Variants in R3HDM2 observed in about 807,000 individuals in gnomAD.
R3HDM2 encodes R3H domain-containing protein 2.
In R3HDM2, 38 loss-of-function variants were observed where a neutral mutation model predicts 124.5. That is an observed-to-expected ratio of 0.31 (90% CI 0.24 to 0.40). R3HDM2 has a LOEUF of 0.40. Among genes scored for constraint, R3HDM2 ranks in the 10% least tolerant of loss-of-function variants. R3HDM2 has a pLI of 1.00. For synonymous variants in R3HDM2, 391 were observed against 448.0 expected, an observed-to-expected ratio of 0.87 and a Z score of 1.61; for missense variants, 869 against 1,236.9, an observed-to-expected ratio of 0.70 and a Z score of 4.46.
rs1340190532 is a variant in R3HDM2 at position 57,285,452 on chromosome 12, T to A, written c.939-1396A>T. Among the ~76,000 whole-genome samples the A allele has an allele frequency of 4.0e-5, 6 of 151,792 alleles. No homozygotes were observed. The South Asian group carries it at 6.3e-4, about 16-fold the overall frequency. On this transcript the variant is annotated intron_variant, in intron 12 of 23. Coordinates refer to ENST00000402412, the MANE Select transcript of R3HDM2 (RefSeq NM_001394031.1). ...AAGACTGAGAGAGAGAGAGAGTGTGTGTGTGTGTGTGTGTGTGTGTGTAAG... is the reference window on the plus strand; with the variant it reads ...AAGACTGAGAGAGAGAGAGAGTGTGAGTGTGTGTGTGTGTGTGTGTGTAAG...
chr12:57,339,733 G>GT (rs1477505136), intron 2 of R3HDM2, among the ~76,000 whole-genome samples: 2 of 151,804 alleles, frequency 1.3e-5, no homozygotes, highest in African/African-American at 4.8e-5. Context: ...AGGAGAAGCT[G>GT]TTAACAGTGA....
intron 2 of R3HDM2, among the ~76,000 whole-genome samples, chr12:57,379,794 T>C (rs1397952746): frequency 6.6e-6 from 1 of 152,022 alleles, no homozygotes; most frequent in Non-Finnish European, 1.5e-5. Context: ...ATATACAATA[T>C]AATATGTAAG....
intron 2 of R3HDM2, among the ~76,000 whole-genome samples, chr12:57,346,458 CA>C (rs2060101973): frequency 6.7e-6 from 1 of 149,732 alleles, no homozygotes; most frequent in African/African-American, 2.5e-5. Context: ...AACTCCATCT[CA>C]AAAACAAAAA....
chr12:57,262,854 CT>C (rs567597717), intron 19 of R3HDM2, among the ~76,000 whole-genome samples: 10 of 152,140 alleles, frequency 6.6e-5, no homozygotes, highest in Non-Finnish European at 1.5e-4. Flanking sequence ...ATACCACTAT[CT>C]AGGAAAAGTA....
At chr12:57,384,964 C>T (rs532255971) in intron 2 of R3HDM2, among the ~76,000 whole-genome samples, 41 of 152,114 alleles carry the variant, frequency 2.7e-4, no homozygotes, top group Non-Finnish European at 4.9e-4. Context: ...CTGGCCAAAA[C>T]GGTGAAACCC....
chr12:57,380,871 A>G (rs2064767529), intron 2 of R3HDM2, among the ~76,000 whole-genome samples: 1 of 152,190 alleles, frequency 6.6e-6, no homozygotes, highest in African/African-American at 2.4e-5. Context: ...TACTGAAGCT[A>G]ATTAGTATTC....
At chr12:57,390,841 T>G (rs2138670373) in intron 2 of R3HDM2, among the ~76,000 whole-genome samples, 1 of 152,192 alleles carries the variant, frequency 6.6e-6, no homozygotes, top group African/African-American at 2.4e-5. Flanking sequence ...TGAAACCCTG[T>G]CTCTACTAAA....
rs78687108 is a variant in R3HDM2, at chr12:57,412,436, T to C, written c.-105-16618A>G. On this transcript the variant is annotated intron_variant, in intron 1 of 23. Coordinates refer to ENST00000402412, the MANE Select transcript of R3HDM2 (RefSeq NM_001394031.1). ...GCACACGCCTGTAATCCCAGCTACT[T>C]GGGAGGCTGAGGTGGGAGAATCACT... Among the ~76,000 whole-genome samples the C allele has an allele frequency of 8.9e-3, 1,352 of 152,024 alleles. 22 individuals are homozygous for C. The highest frequency in any genetic ancestry group is 0.071 in the East Asian group (367 of 5,144).
Position 57,254,306 on chromosome 12 carries a change from G to A in R3HDM2, c.*467C>T, listed in dbSNP as rs1441296866. ...ACCTGAGGTCAGGAGTTTGAGGCCA[G>A]CCTGGCCAACATGGTGAAACTCCGT... On this transcript the variant is annotated 3_prime_UTR_variant, in exon 24 of 24. Transcript: ENST00000402412. 6.9e-6 allele frequency: 3 copies of A among 431,796 alleles called. No homozygotes were observed. The highest frequency in any genetic ancestry group is 6.2e-5 in the African/African-American group (3 of 48,200). The allele number at this position is 431,796 out of a possible 1,614,324, so 26.7% of individuals were successfully genotyped here.
intron 2 of R3HDM2, among the ~76,000 whole-genome samples, chr12:57,359,234 A>AT (rs987125285): frequency 2.4e-4 from 37 of 151,808 alleles, no homozygotes; most frequent in African/African-American, 8.0e-4. Flanking sequence ...TAATTTTTCT[A>AT]TTTTTTTGTA....
At chr12:57,280,318 A>G (rs1322759750) in intron 14 of R3HDM2, 40 bp downstream of exon 14, 9 of 1,572,938 alleles carry the variant, frequency 5.7e-6, no homozygotes, top group Non-Finnish European at 7.8e-6. Flanking sequence ...GTTTGCTTGA[A>G]TCAGAGTGGA....
rs778426031 is a variant in R3HDM2, at chr12:57,254,182, G to A, written c.*591C>T. 14 of 456,146 alleles carry A rather than the reference G, an allele frequency of 3.1e-5. No individual in the cohort carries two copies. The highest frequency in any genetic ancestry group is 2.0e-4 in the South Asian group (13 of 64,468). 28.3% of individuals were successfully genotyped at this position (456,146 alleles called of 1,614,324 possible). On this transcript the variant is annotated 3_prime_UTR_variant, in exon 24 of 24. Coordinates refer to ENST00000402412, the MANE Select transcript of R3HDM2 (RefSeq NM_001394031.1). ...AAAATGAGAAATTAATTTTATGATAGGAGAAGAGATTTAAAAAAATGATAG... is the reference window on the plus strand; with the variant it reads ...AAAATGAGAAATTAATTTTATGATAAGAGAAGAGATTTAAAAAAATGATAG...
At chr12:57,324,267 T>A (rs1179715295) in intron 2 of R3HDM2, among the ~76,000 whole-genome samples, 1 of 152,204 alleles carries the variant, frequency 6.6e-6, no homozygotes, top group East Asian at 1.9e-4. Flanking sequence ...CACTGCAATC[T>A]CCATCTCCTG....
chr12:57,277,691 G>A lies in R3HDM2; in HGVS notation c.1344+2667C>T, dbSNP rs1293359543. ...TCAAACTTCTGGCTTCAAGTAATCT[G>A]CCCTCCTCGGCCTCCCAAAGTGCTG... On this transcript the variant is annotated intron_variant, in intron 14 of 23. Coordinates refer to ENST00000402412, the MANE Select transcript of R3HDM2 (RefSeq NM_001394031.1). Among the ~76,000 whole-genome samples, 3 of 152,124 alleles carry A rather than the reference G, an allele frequency of 2.0e-5. No homozygotes were observed. The East Asian group carries it at 5.8e-4, about 29-fold the overall frequency.
intron 14 of R3HDM2, among the ~76,000 whole-genome samples, chr12:57,276,620 G>A (rs559752448): frequency 6.6e-6 from 1 of 152,362 alleles, no homozygotes; most frequent in South Asian, 2.1e-4. Context: ...GGGCACAGCG[G>A]CTCACGCCTG....
intron 14 of R3HDM2, among the ~76,000 whole-genome samples, chr12:57,277,770 A>G (rs1331962644): frequency 3.3e-5 from 5 of 152,184 alleles, no homozygotes; most frequent in African/African-American, 9.6e-5. Context: ...TTCTACAGGA[A>G]AAGCTTTAGA....
chr12:57,401,461 G>A (rs1215180122), intron 1 of R3HDM2, among the ~76,000 whole-genome samples: 3 of 152,174 alleles, frequency 2.0e-5, no homozygotes, highest in Non-Finnish European at 4.4e-5. Flanking sequence ...TAGCTAACGT[G>A]CCAACTGAAC....
chr12:57,425,709 A>G (rs2070675422), intron 1 of R3HDM2, among the ~76,000 whole-genome samples: 1 of 152,166 alleles, frequency 6.6e-6, no homozygotes, highest in Non-Finnish European at 1.5e-5. Flanking sequence ...GAGGCAGAAG[A>G]ATCGCTTGAA....
At chr12:57,428,360 G>A (rs1449568708) in intron 1 of R3HDM2, among the ~76,000 whole-genome samples, 6 of 151,972 alleles carry the variant, frequency 3.9e-5, no homozygotes, top group African/African-American at 1.5e-4. Flanking sequence ...GGCTGGGCGC[G>A]GTGGCTCATG....
Sources: allele counts gnomAD v4.1 joint callset (sites outside exome capture counted in the v4.1 genomes callset), GRCh38; gene constraint gnomAD v4.1.1; transcripts MANE v1.5; gene names NCBI Gene and HGNC (gene_info 2026-07-23, HGNC 2026-07-21).